Variants in RIC1 observed in about 807,000 individuals in gnomAD.
RIC1 encodes RIC1 partner of RAB6A GEF complex.
In RIC1, 88 loss-of-function variants were observed where a neutral mutation model predicts 169.0. The observed-to-expected ratio is 0.52, with a 90% CI of 0.44 to 0.62. RIC1 has a LOEUF of 0.62. Ranked by LOEUF, RIC1 falls within the 20% of genes least tolerant of loss-of-function variation. The pLI is 0.00. For synonymous variants in RIC1, 790 were observed against 601.5 expected, an observed-to-expected ratio of 1.31 and a Z score of -4.59; for missense variants, 1,877 against 1,725.5, an observed-to-expected ratio of 1.09 and a Z score of -1.56.
Position 5,762,668 on chromosome 9 carries a change from A to T in RIC1, c.2112+8A>T, listed in dbSNP as rs368877653. ...AATAACCAAAGGAAACTTGTGAGTAAAGTACTAGTCATTTCTTTTCAAACA... is the reference window on the plus strand; with the variant it reads ...AATAACCAAAGGAAACTTGTGAGTATAGTACTAGTCATTTCTTTTCAAACA... On this transcript the variant is annotated splice_region_variant and intron_variant, in intron 18 of 25. Transcript: ENST00000414202. 1 of 1,612,904 alleles carries T rather than the reference A, an allele frequency of 6.2e-7. No homozygotes were observed. Among genetic ancestry groups the T allele is most frequent in the Non-Finnish European group, 8.5e-7 (1 of 1,179,376 alleles).
rs1418745858 is a variant in RIC1 at position 5,656,697 on chromosome 9, A to T, written c.252+7A>T. 6.8e-7 allele frequency: 1 copy of T among 1,473,646 alleles called. No homozygotes were observed. Among genetic ancestry groups the T allele is most frequent in the Non-Finnish European group, 9.4e-7 (1 of 1,062,186 alleles). The allele number at this position is 1,473,646 out of a possible 1,614,324, so 91.3% of individuals were successfully genotyped here. On this transcript the variant is annotated splice_region_variant and intron_variant, in intron 2 of 25. Transcript: ENST00000414202. Reference sequence around the variant, plus strand: ...TACCATGATAGCTGTATCAGTAAGTAGATTTTACCGCTAAATAGTGTTTTC... The same window carrying T: ...TACCATGATAGCTGTATCAGTAAGTTGATTTTACCGCTAAATAGTGTTTTC...
chr9:5,763,090 C>A lies in RIC1; in HGVS notation c.2113-50C>A. 6.3e-7 allele frequency: 1 copy of A among 1,576,448 alleles called. No homozygotes were observed. The highest frequency in any genetic ancestry group is 1.2e-5 in the South Asian group (1 of 83,706). ...AAACTAGTACCTAGGAACTTAAGAA[C>A]CTGCAGATTTAATAGGAAAACAACT... On this transcript the variant is annotated intron_variant, in intron 18 of 25. Coordinates refer to ENST00000414202, the MANE Select transcript of RIC1 (RefSeq NM_020829.4). The surrounding 1 kb of genome is among the most constrained non-coding windows in gnomAD (Gnocchi z 5.2).
At chr9:5,654,725 T>C (rs953727574) in intron 1 of RIC1, among the ~76,000 whole-genome samples, 2 of 152,090 alleles carry the variant, frequency 1.3e-5, no homozygotes, top group Non-Finnish European at 2.9e-5. Context: ...GGCTAATTTT[T>C]GTATTTTTAG....
chr9:5,738,932 A>G (rs1173190869), intron 8 of RIC1, among the ~76,000 whole-genome samples: 2 of 152,036 alleles, frequency 1.3e-5, no homozygotes, highest in Non-Finnish European at 2.9e-5. Flanking sequence ...TTGATAGTTG[A>G]GTGCCGTCAC....
rs759784345 is a variant in RIC1, at chr9:5,765,581, C to A, written c.3000+9C>A. On this transcript the variant is annotated intron_variant, in intron 20 of 25. Coordinates refer to ENST00000414202, the MANE Select transcript of RIC1 (RefSeq NM_020829.4). ...CCACACCCACAGCTCAGGTTAGTTG[C>A]AAAAGTTACACATCTTCTCTAGGCC... 6.2e-7 allele frequency: 1 copy of A among 1,613,864 alleles called. No homozygotes were observed. Among genetic ancestry groups the A allele is most frequent in the Admixed American group, 1.7e-5 (1 of 60,018 alleles).
intron 2 of RIC1, among the ~76,000 whole-genome samples, chr9:5,662,011 A>G (rs968555656): frequency 4.6e-5 from 7 of 152,164 alleles, no homozygotes; most frequent in Admixed American, 1.3e-4. Flanking sequence ...TTCCTTCAAT[A>G]TCTGGTTTAT....
intron 6 of RIC1, among the ~76,000 whole-genome samples, chr9:5,725,536 G>A (rs1823917165): frequency 6.6e-6 from 1 of 151,924 alleles, no homozygotes; most frequent in Non-Finnish European, 1.5e-5. Context: ...TTTTTTGATG[G>A]TTTTTTTATG....
chr9:5,687,417 A>T (rs773741170), intron 2 of RIC1, among the ~76,000 whole-genome samples: 3 of 152,108 alleles, frequency 2.0e-5, no homozygotes, highest in Non-Finnish European at 4.4e-5. Flanking sequence ...ATTTGTTTCT[A>T]GTTTAAGGTA....
intron 10 of RIC1, 123 bp downstream of exon 10, chr9:5,743,860 G>C: frequency 1.4e-6 from 1 of 700,968 alleles, no homozygotes; most frequent in Non-Finnish European, 2.4e-6. Context: ...ACCCAGGTTG[G>C]AGAGCAGTGG....
rs41280741 is a variant in RIC1 at position 5,775,301 on chromosome 9, C to G, written c.*1055C>G. The stretch of plus-strand genomic sequence containing the variant: ...AAAATTAGTGTGTAAAGAATGCATT[C>G]TTCATTGTAAACTTAAAGTATTTTA... On this transcript the variant is annotated 3_prime_UTR_variant, in exon 26 of 26. Coordinates refer to ENST00000414202, the MANE Select transcript of RIC1 (RefSeq NM_020829.4). 2 of 152,148 alleles carry G rather than the reference C, an allele frequency of 1.3e-5. No homozygotes were observed. Among genetic ancestry groups the G allele is most frequent in the African/African-American group, 4.8e-5 (2 of 41,458 alleles). 9.4% of individuals were successfully genotyped at this position (152,148 alleles called of 1,614,324 possible).
chr9:5,737,874 A>G (rs1824820785), intron 7 of RIC1, among the ~76,000 whole-genome samples: 1 of 152,020 alleles, frequency 6.6e-6, no homozygotes. Flanking sequence ...GAAATAATGT[A>G]CTTACTATTG....
At chr9:5,696,064 T>A (rs1280638086) in intron 3 of RIC1, among the ~76,000 whole-genome samples, 1 of 152,188 alleles carries the variant, frequency 6.6e-6, no homozygotes, top group Non-Finnish European at 1.5e-5. Context: ...TGTTCAGTCA[T>A]CAAATTTTAC....
chr9:5,773,946 T>C lies in RIC1; in HGVS notation c.3984-12T>C. ...TATGGCAGATGAGCTAATGTTTTTT[T>C]TCTCTACATAGTCCTGGATATAAGC... On this transcript the variant is annotated splice_polypyrimidine_tract_variant and intron_variant, in intron 25 of 25. Transcript: ENST00000414202. 6.5e-7 allele frequency: 1 copy of C among 1,548,536 alleles called. No individual in the cohort carries two copies. The highest frequency in any genetic ancestry group is 8.7e-7 in the Non-Finnish European group (1 of 1,150,344).
intron 6 of RIC1, among the ~76,000 whole-genome samples, chr9:5,725,599 A>G (rs1329117785): frequency 6.6e-6 from 1 of 152,070 alleles, no homozygotes; most frequent in Non-Finnish European, 1.5e-5. Context: ...ACCTTCTGCT[A>G]GCTTTTGAAT....
chr9:5,646,450 CAA>C (rs1285090627), intron 1 of RIC1, among the ~76,000 whole-genome samples: 1 of 152,056 alleles, frequency 6.6e-6, no homozygotes, highest in African/African-American at 2.4e-5. Context: ...TGCCTAGTGA[CAA>C]TAGAAATTTT....
intron 2 of RIC1, among the ~76,000 whole-genome samples, chr9:5,680,075 C>T (rs923044197): frequency 2.2e-4 from 33 of 152,220 alleles, no homozygotes; most frequent in Non-Finnish European, 4.4e-4. Context: ...TGTCAAAGGC[C>T]TTTTCTGCAT....
chr9:5,758,726 TTTTTTTTTTTTTTTTGTCCTTTTTTC>T (rs1427126227), intron 17 of RIC1, among the ~76,000 whole-genome samples: 2 of 150,582 alleles, frequency 1.3e-5, no homozygotes, highest in Admixed American at 1.3e-4. Flanking sequence ...TCCCTTCTTT[TTTTTTTTTTTTTTTTGTCCTTTTTTC>T]TTTTTTTTTT....
At chr9:5,777,494 C>CT (rs1827656234), downstream of RIC1, among the ~76,000 whole-genome samples, 1 of 151,744 alleles carries the variant, frequency 6.6e-6, no homozygotes, top group Non-Finnish European at 1.5e-5. Context: ...CACACGGACT[C>CT]TGAATCATTT....
chr9:5,668,924 C>T (rs149661939), intron 2 of RIC1, among the ~76,000 whole-genome samples: 1 of 152,066 alleles, frequency 6.6e-6, no homozygotes, highest in Non-Finnish European at 1.5e-5. Flanking sequence ...TCTTTATTTT[C>T]TATGACTGGG....
Sources: allele counts gnomAD v4.1 joint callset (sites outside exome capture counted in the v4.1 genomes callset), GRCh38; gene constraint gnomAD v4.1.1; non-coding constraint Gnocchi (gnomAD v3.1); transcripts MANE v1.5; gene names NCBI Gene and HGNC (gene_info 2026-07-23, HGNC 2026-07-21).